The following DNAJC1 variants were observed in gnomAD, a reference collection of about 807,000 sequenced individuals.
DNAJC1 encodes the protein dnaJ homolog subfamily C member 1.
In DNAJC1, 58 loss-of-function variants were observed where a neutral mutation model predicts 76.6. The observed-to-expected ratio is 0.76, with a 90% CI of 0.61 to 0.94. The LOEUF (loss-of-function observed/expected upper bound fraction) is 0.94, where lower values mean the gene tolerates loss of function less well. Among genes scored for constraint, DNAJC1 ranks in the 40% least tolerant of loss-of-function variants. The pLI, the probability that DNAJC1 is intolerant of heterozygous loss-of-function variation, is 0.00. For synonymous variants in DNAJC1, 258 were observed against 267.9 expected (o/e 0.96, Z 0.36); for missense variants, 689 against 677.3 (o/e 1.02, Z -0.19).
At chr10:21,909,640 G>A (rs182866829) in intron 6 of DNAJC1, among the ~76,000 whole-genome samples, 4 of 152,296 alleles carry the variant, frequency 2.6e-5, no homozygotes, top group Admixed American at 6.5e-5. Flanking sequence ...CCTATATTCC[G>A]CTGTCCTCTT....
intron 8 of DNAJC1, among the ~76,000 whole-genome samples, chr10:21,844,894 G>A (rs1244930416): frequency 2.0e-5 from 3 of 152,178 alleles, no homozygotes; most frequent in Non-Finnish European, 4.4e-5. Context: ...ATTAGGCATG[G>A]TGGTGCCTAC....
intron 1 of DNAJC1, among the ~76,000 whole-genome samples, chr10:21,947,600 C>T (rs1295625279): frequency 6.6e-6 from 1 of 152,106 alleles, no homozygotes; most frequent in Non-Finnish European, 1.5e-5. Context: ...TAGTGGTAGG[C>T]TACTAGTAGT....
intron 8 of DNAJC1, among the ~76,000 whole-genome samples, chr10:21,855,034 A>G (rs1169221900): frequency 6.6e-6 from 1 of 152,208 alleles, no homozygotes; most frequent in African/African-American, 2.4e-5. Context: ...CCATAGTTCC[A>G]TTAATTCTTC....
intron 7 of DNAJC1, among the ~76,000 whole-genome samples, chr10:21,891,274 C>G (rs1836457856): frequency 6.6e-6 from 1 of 151,766 alleles, no homozygotes; most frequent in African/African-American, 2.4e-5. Flanking sequence ...AATGAACACT[C>G]TTGAAACAAA....
chr10:21,818,824 A>G (rs942205949), intron 8 of DNAJC1, among the ~76,000 whole-genome samples: 2 of 152,236 alleles, frequency 1.3e-5, no homozygotes, highest in Non-Finnish European at 2.9e-5. Flanking sequence ...TCTATGCTAG[A>G]AAATCTCTGT....
At chr10:21,805,713 T>C (rs1834875305) in intron 9 of DNAJC1, among the ~76,000 whole-genome samples, 1 of 152,148 alleles carries the variant, frequency 6.6e-6, no homozygotes, top group South Asian at 2.1e-4. Flanking sequence ...ACTATAAACA[T>C]AAAAACTGGC....
intron 1 of DNAJC1, among the ~76,000 whole-genome samples, chr10:21,932,632 G>C (rs1276700825): frequency 6.6e-6 from 1 of 152,226 alleles, no homozygotes; most frequent in Non-Finnish European, 1.5e-5. Context: ...AGAGAGATCA[G>C]AGTTGACCTT....
intron 1 of DNAJC1, among the ~76,000 whole-genome samples, chr10:21,934,457 GA>G (rs1837279644): frequency 6.6e-6 from 1 of 152,114 alleles, no homozygotes. Flanking sequence ...ATAGTGTACA[GA>G]AATGTCCTAG....
At chr10:21,822,123 T>C (rs1008803586) in intron 8 of DNAJC1, among the ~76,000 whole-genome samples, 2 of 152,182 alleles carry the variant, frequency 1.3e-5, no homozygotes, top group East Asian at 1.9e-4. Flanking sequence ...AGTTTTGTTA[T>C]ATTCTCTTAG....
At chr10:21,908,037 T>TACATA (rs1836777188) in intron 6 of DNAJC1, among the ~76,000 whole-genome samples, 1 of 111,518 alleles carries the variant, frequency 9.0e-6, no homozygotes, top group South Asian at 2.4e-4. Context: ...ATATATAATA[T>TACATA]AATATAATAT....
intron 1 of DNAJC1, among the ~76,000 whole-genome samples, chr10:21,975,653 C>CCGGCGA (rs1838050264): frequency 6.8e-6 from 1 of 148,116 alleles, no homozygotes; most frequent in African/African-American, 2.5e-5. Context: ...TACTTACTGT[C>CCGGCGA]CCTCTGTTAG....
At chr10:21,908,251 G>GA (rs1369164737) in intron 6 of DNAJC1, among the ~76,000 whole-genome samples, 6 of 32,354 alleles carry the variant, frequency 1.9e-4, no homozygotes, top group East Asian at 0.011. Context: ...ATAATATAGA[G>GA]AAAATATATA....
intron 1 of DNAJC1, among the ~76,000 whole-genome samples, chr10:21,952,876 G>GA (rs998858601): frequency 6.6e-6 from 1 of 152,090 alleles, no homozygotes; most frequent in African/African-American, 2.4e-5. Flanking sequence ...GGCCAGCTGG[G>GA]AAAAATCACT....
In DNAJC1 at chr10:21,846,073, T is replaced by C. The variant is rs149425524; in HGVS notation, c.978+36209A>G. Among the ~76,000 whole-genome samples, 570 of 152,304 alleles carry C rather than the reference T, an allele frequency of 3.7e-3. 18 individuals carry two copies. Among genetic ancestry groups the C allele is most frequent in the Non-Finnish European group, 8.8e-4 (60 of 68,024 alleles). ...TGATCCAATTAAAGGTAGACTGGTA[T>C]AATGATTAAAAGTACTGGGGTCAAA... On this transcript the variant is annotated intron_variant, in intron 8 of 11. Coordinates refer to ENST00000376980, the MANE Select transcript of DNAJC1 (RefSeq NM_022365.4).
chr10:21,993,066 A>T (rs1469501950), intron 1 of DNAJC1, among the ~76,000 whole-genome samples: 1 of 151,974 alleles, frequency 6.6e-6, no homozygotes, highest in Non-Finnish European at 1.5e-5. Context: ...TTTGATAAGA[A>T]TCATTTTATA....
In DNAJC1 at chr10:21,759,557, G is replaced by A. The variant is rs772899791; in HGVS notation, c.1209C>T (p.Ala403=). ...TVQNSRPIKT[A]TTLPDDMITQ... ...TGATCATGTCATCGGGCAAGGTGGT[G>A]GCCGTTTTGATGGGCCTGGAATTCT... Residue 403 remains alanine (A), a synonymous_variant, in exon 11 of 12, where the codon GCC becomes GCT. Coordinates refer to ENST00000376980, the MANE Select transcript of DNAJC1 (RefSeq NM_022365.4). 1.2e-6 allele frequency: 2 copies of A among 1,614,124 alleles called. No individual in the cohort carries two copies. The highest frequency in any genetic ancestry group is 1.7e-6 in the Non-Finnish European group (2 of 1,180,024).
At chr10:21,956,897 ATT>A (rs772137685) in intron 1 of DNAJC1, among the ~76,000 whole-genome samples, 16 of 134,662 alleles carry the variant, frequency 1.2e-4, no homozygotes, top group Non-Finnish European at 1.1e-4. Context: ...TTATTTCTAG[ATT>A]TTTTTTTTTT....
chr10:21,967,767 G>A (rs370472048), intron 1 of DNAJC1, among the ~76,000 whole-genome samples: 16 of 152,184 alleles, frequency 1.1e-4, no homozygotes, highest in African/African-American at 2.4e-4. Flanking sequence ...CTGCGGACTC[G>A]AGTTTTCATC....
intron 9 of DNAJC1, among the ~76,000 whole-genome samples, chr10:21,799,350 G>C (rs577007329): frequency 5.8e-4 from 89 of 152,220 alleles, no homozygotes; most frequent in African/African-American, 2.0e-3. Context: ...CCAGGCTGGA[G>C]TGCAGTGGCA....
Sources: allele counts gnomAD v4.1 joint callset (sites outside exome capture counted in the v4.1 genomes callset), GRCh38; gene constraint gnomAD v4.1.1; transcripts MANE v1.5; gene names NCBI Gene and HGNC (gene_info 2026-07-23, HGNC 2026-07-21).